Variants in SPAG16 observed in about 807,000 individuals in gnomAD.
The protein encoded by SPAG16 is sperm-associated antigen 16 protein.
SPAG16 carries 86 observed loss-of-function variants against 80.4 expected under a neutral mutation model. That is an observed-to-expected ratio of 1.07 (90% CI 0.90 to 1.28). SPAG16 has a LOEUF of 1.28. Ranked by LOEUF, SPAG16 falls within the 50% of genes most tolerant of loss-of-function variation. The probability of loss-of-function intolerance (pLI) is 0.00; values close to 1 mark genes in which losing one functional copy is unlikely to be tolerated. For synonymous variants in SPAG16, 294 were observed against 265.9 expected, an observed-to-expected ratio of 1.11 and a Z score of -1.03; for missense variants, 870 against 765.3, an observed-to-expected ratio of 1.14 and a Z score of -1.61.
chr2:213,424,658 A>G (rs546226696), intron 9 of SPAG16, among the ~76,000 whole-genome samples: 2 of 152,350 alleles, frequency 1.3e-5, no homozygotes, highest in South Asian at 4.1e-4. Context: ...AATAAATAGT[A>G]CATTTATGCA....
chr2:213,833,476 A>ATTTATTT (rs1475446669), intron 10 of SPAG16, among the ~76,000 whole-genome samples: 4 of 5,018 alleles, frequency 8.0e-4, no homozygotes, highest in Admixed American at 6.5e-3. Context: ...TATATATAAT[A>ATTTATTT]ATATATATAT....
chr2:214,223,724 A>ATAC (rs1328497641), intron 15 of SPAG16, among the ~76,000 whole-genome samples: 2 of 152,192 alleles, frequency 1.3e-5, no homozygotes, highest in Non-Finnish European at 2.9e-5. Flanking sequence ...GTTTAATGAT[A>ATAC]TACTGTACCA....
intron 9 of SPAG16, among the ~76,000 whole-genome samples, chr2:213,442,414 C>A (rs373809070): frequency 6.6e-5 from 10 of 152,262 alleles, no homozygotes; most frequent in Non-Finnish European, 1.0e-4. Context: ...TGGATATCAA[C>A]AAACTGATTA....
chr2:213,284,645 C>G lies in SPAG16; in HGVS notation c.136+26C>G, dbSNP rs1322029529. The G allele has an allele frequency of 5.6e-6, 9 of 1,597,904 alleles. No individual in the cohort carries two copies. The East Asian group carries it at 1.6e-4, about 28-fold the overall frequency. On this transcript the variant is annotated intron_variant, in intron 1 of 15. Coordinates refer to ENST00000331683, the MANE Select transcript of SPAG16 (RefSeq NM_024532.5). ...GTATCCTTCCCGTGGAGGCGCGGCC[C>G]GCTGCGCTGGCGGGTAATGGGTGTT...
intron 10 of SPAG16, among the ~76,000 whole-genome samples, chr2:213,846,444 T>G (rs989563171): frequency 1.1e-4 from 17 of 152,116 alleles, no homozygotes; most frequent in African/African-American, 3.4e-4. Flanking sequence ...TTTACTCACC[T>G]TTTTTGACTA....
At chr2:214,055,490 A>G (rs1206598140) in intron 13 of SPAG16, among the ~76,000 whole-genome samples, 1 of 152,170 alleles carries the variant, frequency 6.6e-6, no homozygotes, top group Non-Finnish European at 1.5e-5. Flanking sequence ...AATGAAACGC[A>G]TGCCTATGGA....
intron 11 of SPAG16, among the ~76,000 whole-genome samples, chr2:213,925,507 C>G (rs752520974): frequency 1.3e-5 from 2 of 151,980 alleles, no homozygotes; most frequent in Admixed American, 1.3e-4. Context: ...GTCCACTACC[C>G]TATCCGGCTA....
Position 213,835,566 on chromosome 2 carries a change from A to ATC in SPAG16, c.1071-26916_1071-26915dup, listed in dbSNP as rs200163234. Reference sequence around the variant, plus strand: ...TCCCTGGTTGGATGTCCTGTGTTTAATCTCCCTCCTTCTAAGGTTTCATTG... The same window carrying ATC: ...TCCCTGGTTGGATGTCCTGTGTTTAATCTCTCCCTCCTTCTAAGGTTTCATTG... On this transcript the variant is annotated intron_variant, in intron 10 of 15. Coordinates refer to ENST00000331683, the MANE Select transcript of SPAG16 (RefSeq NM_024532.5). Among the ~76,000 whole-genome samples the ATC allele has an allele frequency of 4.8e-3, 726 of 152,206 alleles. 8 individuals carry two copies. Among genetic ancestry groups the ATC allele is most frequent in the African/African-American group, 0.017 (698 of 41,532 alleles).
At chr2:214,196,001 C>A (rs1049946366) in intron 15 of SPAG16, among the ~76,000 whole-genome samples, 3 of 151,934 alleles carry the variant, frequency 2.0e-5, no homozygotes, top group African/African-American at 7.2e-5. Flanking sequence ...CACAGTACTT[C>A]CTTAGAAAAA....
chr2:213,349,073 T>G (rs906761992), intron 6 of SPAG16, among the ~76,000 whole-genome samples: 7 of 152,178 alleles, frequency 4.6e-5, no homozygotes, highest in African/African-American at 1.7e-4. Context: ...CTCAGGGGAT[T>G]TCTCAAATAT....
intron 11 of SPAG16, among the ~76,000 whole-genome samples, chr2:213,901,675 A>G (rs767767679): frequency 3.9e-5 from 6 of 152,152 alleles, no homozygotes; most frequent in Admixed American, 3.9e-4. Context: ...ATTGTAGTGA[A>G]TATTAAGGAA....
At chr2:214,146,797 A>G (rs11889901) in intron 14 of SPAG16, among the ~76,000 whole-genome samples, 65,448 of 151,894 alleles carry the variant, frequency 0.43, 15,275 homozygotes, top group Non-Finnish European at 0.52. Flanking sequence ...TCAGGAGATC[A>G]AGACCATCCT....
chr2:213,879,148 CAT>C (rs2076249873), intron 11 of SPAG16, among the ~76,000 whole-genome samples: 1 of 151,432 alleles, frequency 6.6e-6, no homozygotes, highest in Non-Finnish European at 1.5e-5. Context: ...TTTTTGATTC[CAT>C]ATGAATTTTA....
intron 9 of SPAG16, among the ~76,000 whole-genome samples, chr2:213,436,996 C>G (rs2070680911): frequency 6.6e-6 from 1 of 152,010 alleles, no homozygotes; most frequent in South Asian, 2.1e-4. Context: ...ACTGCAAGCT[C>G]CGCCTCCTGG....
intron 15 of SPAG16, among the ~76,000 whole-genome samples, chr2:214,233,131 G>C (rs200784115): frequency 6.6e-6 from 1 of 151,968 alleles, no homozygotes; most frequent in Non-Finnish European, 1.5e-5. Flanking sequence ...TCAAAAAAAG[G>C]GGGGGCCATA....
intron 5 of SPAG16, among the ~76,000 whole-genome samples, chr2:213,321,381 A>T (rs1374314221): frequency 1.3e-5 from 2 of 152,022 alleles, no homozygotes; most frequent in Admixed American, 1.3e-4. Flanking sequence ...TTTCTTATTA[A>T]CCTGGGAATT....
At chr2:214,282,582 T>C (rs965953945) in intron 15 of SPAG16, among the ~76,000 whole-genome samples, 3 of 152,180 alleles carry the variant, frequency 2.0e-5, no homozygotes, top group South Asian at 2.1e-4. Flanking sequence ...TTCACAGATA[T>C]ATTCTTCTTG....
Position 213,403,363 on chromosome 2 carries a change from C to T in SPAG16, c.942+28244C>T, listed in dbSNP as rs2068432606. Among the ~76,000 whole-genome samples the T allele has an allele frequency of 2.6e-5, 4 of 152,024 alleles. No individual in the cohort carries two copies. The South Asian group carries it at 8.3e-4, about 32-fold the overall frequency. The stretch of plus-strand genomic sequence containing the variant: ...GATGAGTAGGTTGCAAAAATTTTCT[C>T]CCATTCTGTCGGTTGCCTGTTCACT... On this transcript the variant is annotated intron_variant, in intron 9 of 15. Transcript: ENST00000331683.
At chr2:213,605,592 C>T (rs78514493) in intron 10 of SPAG16, among the ~76,000 whole-genome samples, 2 of 152,090 alleles carry the variant, frequency 1.3e-5, no homozygotes, top group Non-Finnish European at 2.9e-5. Flanking sequence ...TGGGTTCAAG[C>T]GATTCTCCTG....
Sources: gnomAD v4.1 joint callset for allele counts (sites outside exome capture counted in the v4.1 genomes callset) on GRCh38, gnomAD v4.1.1 for gene constraint, MANE v1.5 for transcripts, NCBI Gene and HGNC (gene_info 2026-07-23, HGNC 2026-07-21) for gene names.